The following FBXW4 variants were observed in gnomAD, a reference collection of about 807,000 sequenced individuals.
The protein encoded by FBXW4 is F-box/WD repeat-containing protein 4.
In FBXW4, 40 loss-of-function variants were observed where a neutral mutation model predicts 61.8. The observed-to-expected ratio is 0.65, with a 90% confidence interval of 0.50 to 0.84. FBXW4 has a LOEUF of 0.84. Ranked by LOEUF, FBXW4 falls within the 40% of genes least tolerant of loss-of-function variation. FBXW4 has a pLI of 0.00. For missense variants in FBXW4, 672 were observed against 753.8 expected (o/e 0.89, Z 1.27); for synonymous variants, 311 against 313.8 (o/e 0.99, Z 0.10).
chr10:101,666,631 A>T (rs2134883666), intron 5 of FBXW4, among the ~76,000 whole-genome samples: 1 of 152,310 alleles, frequency 6.6e-6, no homozygotes, highest in South Asian at 2.1e-4. Context: ...GTGGACGAAG[A>T]TCCTAGGAAA....
Position 101,694,962 on chromosome 10 carries a change from C to G in FBXW4, c.144G>C (p.Gly48=). The G allele has an allele frequency of 3.3e-6, 4 of 1,209,502 alleles. No individual in the cohort carries two copies. The highest frequency in any genetic ancestry group is 4.1e-6 in the Non-Finnish European group (4 of 972,710). The allele number at this position is 1,209,502 out of a possible 1,614,324, so 74.9% of individuals were successfully genotyped here. A position where few individuals can be genotyped will look rare whatever the true frequency, so the allele number is the denominator to read the frequency against. ...CCGCCCCGCTTCCTCTTCCGCCTTGCCCCGCTCTCGCTTTTCCCTTCCCCT... is the reference window on the plus strand; with the variant it reads ...CCGCCCCGCTTCCTCTTCCGCCTTGGCCCGCTCTCGCTTTTCCCTTCCCCT... ...KGKGKGKARA[G]QGGRGSGAEG... is the part of the protein sequence containing the mutation. Residue 48 remains glycine, a synonymous_variant, in exon 1 of 9, where the codon GGG becomes GGC. Coordinates refer to ENST00000331272, the MANE Select transcript of FBXW4 (RefSeq NM_022039.4). This position sits in a 1 kb window ranked among gnomAD's most constrained non-coding sequence, Gnocchi z 6.0.
At chr10:101,643,214 C>T (rs1009560198) in intron 5 of FBXW4, among the ~76,000 whole-genome samples, 9 of 152,344 alleles carry the variant, frequency 5.9e-5, no homozygotes, top group South Asian at 4.1e-4. Context: ...TAATGATTAG[C>T]GTATCTACCC....
At chr10:101,644,073 T>G (rs893042021) in intron 5 of FBXW4, among the ~76,000 whole-genome samples, 4 of 152,074 alleles carry the variant, frequency 2.6e-5, no homozygotes, top group African/African-American at 7.2e-5. Context: ...GGGCCTTTGT[T>G]CCCCCTAAAT....
chr10:101,624,953 G>C, intron 5 of FBXW4, 143 bp from the exon 6 acceptor site: 1 of 854,458 alleles, frequency 1.2e-6, no homozygotes, highest in South Asian at 1.5e-5. Context: ...GGAGCCATCA[G>C]AGGAGCTGTG....
At chr10:101,692,163 C>T (rs2064611375) in intron 1 of FBXW4, among the ~76,000 whole-genome samples, 1 of 151,766 alleles carries the variant, frequency 6.6e-6, no homozygotes, top group Non-Finnish European at 1.5e-5. Flanking sequence ...TAATCTTACC[C>T]TGACAGATTA....
At chr10:101,655,557 T>C (rs754656893) in intron 5 of FBXW4, among the ~76,000 whole-genome samples, 4 of 152,194 alleles carry the variant, frequency 2.6e-5, no homozygotes, top group Non-Finnish European at 5.9e-5. Flanking sequence ...AGCTGACCCT[T>C]CTCTTAGGTC....
At chr10:101,624,871 C>T (rs1589744032) in intron 5 of FBXW4, 61 bp from the exon 6 acceptor site, 1 of 1,564,824 alleles carries the variant, frequency 6.4e-7, no homozygotes, top group East Asian at 2.2e-5. Flanking sequence ...GTGGAAATGG[C>T]TAACAATGGG....
intron 4 of FBXW4, among the ~76,000 whole-genome samples, chr10:101,672,068 G>A (rs1038963700): frequency 1.3e-5 from 2 of 152,206 alleles, no homozygotes; most frequent in Non-Finnish European, 2.9e-5. Flanking sequence ...CTCTCCCTAT[G>A]TGTTTTAGAG....
intron 1 of FBXW4, among the ~76,000 whole-genome samples, chr10:101,685,420 A>G (rs115159084): frequency 0.014 from 2,204 of 152,298 alleles, 49 homozygotes; most frequent in African/African-American, 0.05. Flanking sequence ...CAAATTTTAA[A>G]CAATATATAG....
At chr10:101,614,095 TTCTC>T (rs937702913) in intron 6 of FBXW4, among the ~76,000 whole-genome samples, 4 of 152,174 alleles carry the variant, frequency 2.6e-5, no homozygotes, top group Non-Finnish European at 5.9e-5. Context: ...AGGGGAGTCA[TTCTC>T]TCTCTTTCAC....
At chr10:101,625,882 G>C (rs528775945) in intron 5 of FBXW4, 1 of 152,422 alleles carries the variant, frequency 6.6e-6, no homozygotes, top group African/African-American at 2.4e-5. Flanking sequence ...ATCTGCTGTG[G>C]CCCAGCCCAG....
chr10:101,672,225 C>G (rs185264298), intron 4 of FBXW4, among the ~76,000 whole-genome samples: 1 of 152,362 alleles, frequency 6.6e-6, no homozygotes, highest in East Asian at 1.9e-4. Context: ...CCTAAAGGAC[C>G]AGGCCTGTGC....
intron 5 of FBXW4, among the ~76,000 whole-genome samples, chr10:101,662,181 A>G (rs1375481281): frequency 6.6e-6 from 1 of 152,200 alleles, no homozygotes; most frequent in Non-Finnish European, 1.5e-5. Context: ...AGAAAGATGT[A>G]TTTCAACAGG....
chr10:101,645,213 A>G (rs2064085953), intron 5 of FBXW4, among the ~76,000 whole-genome samples: 1 of 152,120 alleles, frequency 6.6e-6, no homozygotes, highest in Non-Finnish European at 1.5e-5. Flanking sequence ...CACAGTTCAG[A>G]TGTGAAGCCA....
At chr10:101,664,533 G>A (rs1472472240) in intron 5 of FBXW4, among the ~76,000 whole-genome samples, 1 of 152,180 alleles carries the variant, frequency 6.6e-6, no homozygotes, top group East Asian at 1.9e-4. Flanking sequence ...CAGGAATGGT[G>A]GCAGGGAGGG....
At chr10:101,630,237 T>C (rs975876772) in intron 5 of FBXW4, among the ~76,000 whole-genome samples, 1 of 152,180 alleles carries the variant, frequency 6.6e-6, no homozygotes, top group African/African-American at 2.4e-5. Context: ...CTGAGCCTTA[T>C]TACTCTCTAT....
At chr10:101,651,426 G>A (rs1469669448) in intron 5 of FBXW4, among the ~76,000 whole-genome samples, 1 of 152,156 alleles carries the variant, frequency 6.6e-6, no homozygotes, top group African/African-American at 2.4e-5. Context: ...AGAAAGCCTG[G>A]TCCTGACGTG....
chr10:101,617,555 G>A (rs973525331), intron 6 of FBXW4, among the ~76,000 whole-genome samples: 1 of 152,200 alleles, frequency 6.6e-6, no homozygotes, highest in Non-Finnish European at 1.5e-5. Flanking sequence ...CAAGCATACA[G>A]CCTCTCACAT....
chr10:101,633,693 G>T (rs1329343030), intron 5 of FBXW4, among the ~76,000 whole-genome samples: 1 of 151,510 alleles, frequency 6.6e-6, no homozygotes, highest in East Asian at 1.9e-4. Flanking sequence ...CAATAACCAA[G>T]TGTTATTATA....
Sources: gnomAD v4.1 joint callset for allele counts (sites outside exome capture counted in the v4.1 genomes callset) on GRCh38, gnomAD v4.1.1 for gene constraint, Gnocchi (gnomAD v3.1) non-coding constraint, MANE v1.5 for transcripts, NCBI Gene and HGNC (gene_info 2026-07-23, HGNC 2026-07-21) for gene names.